The following FAM53B variants were observed in gnomAD, a reference collection of about 807,000 sequenced individuals.
FAM53B encodes the protein protein FAM53B.
A neutral mutation model predicts 32.7 loss-of-function variants in FAM53B; 12 were observed. The ratio of observed to expected loss-of-function variants is 0.37; its 90% confidence interval spans 0.24 to 0.59. The LOEUF is 0.59. Among genes scored for constraint, FAM53B ranks in the 20% least tolerant of loss-of-function variants. The pLI is 0.72. For missense variants in FAM53B, 477 were observed against 577.7 expected, an observed-to-expected ratio of 0.83 and a Z score of 1.79; for synonymous variants, 234 against 228.7, an observed-to-expected ratio of 1.02 and a Z score of -0.21.
At chr10:124,674,933 C>T (rs975389521) in intron 4 of FAM53B, among the ~76,000 whole-genome samples, 1 of 152,236 alleles carries the variant, frequency 6.6e-6, no homozygotes, top group Admixed American at 6.5e-5. Flanking sequence ...GAAAGGGCCC[C>T]TACTTCAGAG....
At position 124,661,272 on chromosome 10, in the gene FAM53B, A is replaced by G. The variant is rs575354211; in HGVS notation, c.906+20335T>C. On this transcript the variant is annotated intron_variant, in intron 4 of 4. Coordinates refer to ENST00000337318, the MANE Select transcript of FAM53B (RefSeq NM_014661.4). Reference sequence around the variant, plus strand: ...AGCATATTAAACGGAGGTGTGTCGCATCCCACACAGAACTCAACAGACACT... The same window carrying G: ...AGCATATTAAACGGAGGTGTGTCGCGTCCCACACAGAACTCAACAGACACT... Among the ~76,000 whole-genome samples the G allele has an allele frequency of 2.6e-5, 4 of 152,276 alleles. No individual in the cohort carries two copies. The South Asian group carries it at 6.2e-4, about 24-fold the overall frequency.
chr10:124,707,600 T>C (rs576549324), intron 1 of FAM53B, among the ~76,000 whole-genome samples: 48 of 152,250 alleles, frequency 3.2e-4, no homozygotes, highest in African/African-American at 1.2e-3. Context: ...TTAGCTGGGC[T>C]TGGTGGCGTG....
intron 4 of FAM53B, among the ~76,000 whole-genome samples, chr10:124,646,534 T>C (rs530367950): frequency 3.3e-5 from 5 of 152,210 alleles, no homozygotes; most frequent in African/African-American, 4.8e-5. Flanking sequence ...CCTGGTCTTT[T>C]TGCTCCCAGC....
intron 3 of FAM53B, among the ~76,000 whole-genome samples, chr10:124,692,986 C>G (rs1949844458): frequency 6.6e-6 from 1 of 152,128 alleles, no homozygotes; most frequent in Non-Finnish European, 1.5e-5. Context: ...CCAACTGTCC[C>G]CAGCTCTCAT....
chr10:124,626,391 C>G (rs1016681485), intron 4 of FAM53B, among the ~76,000 whole-genome samples: 3 of 117,240 alleles, frequency 2.6e-5, no homozygotes, highest in African/African-American at 5.7e-5. Flanking sequence ...AATTTGTGCC[C>G]CCCCCCCCCC....
intron 2 of FAM53B, among the ~76,000 whole-genome samples, chr10:124,702,896 T>A (rs1000696470): frequency 1.3e-5 from 2 of 152,116 alleles, no homozygotes; most frequent in African/African-American, 4.8e-5. Context: ...GCTCTTCTAG[T>A]TCATGTGAGG....
chr10:124,627,593 C>T (rs1949363529), intron 4 of FAM53B, among the ~76,000 whole-genome samples: 1 of 152,176 alleles, frequency 6.6e-6, no homozygotes, highest in South Asian at 2.1e-4. Flanking sequence ...TCAGTGGGAA[C>T]TGTCCCTATG....
intron 4 of FAM53B, among the ~76,000 whole-genome samples, chr10:124,626,248 G>A (rs751876941): frequency 2.6e-5 from 4 of 152,252 alleles, no homozygotes; most frequent in Non-Finnish European, 5.9e-5. Flanking sequence ...GCGCTTGTCT[G>A]TGCTCACCCT....
intron 1 of FAM53B, among the ~76,000 whole-genome samples, chr10:124,728,511 G>C (rs571865364): frequency 4.4e-4 from 67 of 152,322 alleles, no homozygotes; most frequent in African/African-American, 1.6e-3. Context: ...CCAGCAGATG[G>C]AAGAGACAAT....
chr10:124,724,879 G>A (rs1478988641), intron 1 of FAM53B, among the ~76,000 whole-genome samples: 2 of 152,140 alleles, frequency 1.3e-5, no homozygotes, highest in African/African-American at 4.8e-5. Context: ...CTGGGCACGC[G>A]CTTCCCACGT....
At chr10:124,627,032 A>G (rs1187472206) in intron 4 of FAM53B, among the ~76,000 whole-genome samples, 1 of 152,240 alleles carries the variant, frequency 6.6e-6, no homozygotes, top group African/African-American at 2.4e-5. Flanking sequence ...CTTCAAATAT[A>G]CCTGCTTCCT....
intron 4 of FAM53B, among the ~76,000 whole-genome samples, chr10:124,664,517 C>T (rs1395658457): frequency 6.6e-6 from 1 of 152,192 alleles, no homozygotes; most frequent in Non-Finnish European, 1.5e-5. Flanking sequence ...GGCTACAAGG[C>T]CCCCAAGTCT....
intron 4 of FAM53B, among the ~76,000 whole-genome samples, chr10:124,642,575 T>C (rs1949483995): frequency 6.6e-6 from 1 of 152,174 alleles, no homozygotes; most frequent in South Asian, 2.1e-4. Context: ...GCCAGAATGG[T>C]TGCCATCCTT....
intron 4 of FAM53B, among the ~76,000 whole-genome samples, chr10:124,641,447 G>C (rs1327066057): frequency 6.6e-6 from 1 of 152,178 alleles, no homozygotes; most frequent in Non-Finnish European, 1.5e-5. Flanking sequence ...ACTCTGTCCT[G>C]GCACCAACAT....
intron 3 of FAM53B, among the ~76,000 whole-genome samples, chr10:124,685,300 G>A (rs933101786): frequency 5.3e-5 from 8 of 152,084 alleles, no homozygotes; most frequent in African/African-American, 1.4e-4. Context: ...ATGTATTATC[G>A]AATATGTGGG....
intron 4 of FAM53B, among the ~76,000 whole-genome samples, chr10:124,669,519 G>A (rs535517181): frequency 6.7e-4 from 102 of 152,340 alleles, no homozygotes; most frequent in African/African-American, 2.4e-3. Flanking sequence ...GGGCCCGGAG[G>A]ATGTGGTAAG....
At chr10:124,703,892 G>A (rs948694847) in intron 2 of FAM53B, 1 of 152,500 alleles carries the variant, frequency 6.6e-6, no homozygotes, top group East Asian at 1.9e-4. Flanking sequence ...TTCCCTTTCT[G>A]AGATGAGTTT....
At chr10:124,710,365 TA>T (rs1949992756) in intron 1 of FAM53B, among the ~76,000 whole-genome samples, 1 of 152,180 alleles carries the variant, frequency 6.6e-6, no homozygotes. Flanking sequence ...AGAATCCAGC[TA>T]AATTACAGCA....
At chr10:124,706,292 AC>A (rs1949957507) in intron 2 of FAM53B, among the ~76,000 whole-genome samples, 1 of 152,022 alleles carries the variant, frequency 6.6e-6, no homozygotes, top group Non-Finnish European at 1.5e-5. Flanking sequence ...CAGGGCACCA[AC>A]CCCCTCTGGA....
Sources: gnomAD v4.1 joint callset for allele counts (sites outside exome capture counted in the v4.1 genomes callset) on GRCh38, gnomAD v4.1.1 for gene constraint, MANE v1.5 for transcripts, NCBI Gene and HGNC (gene_info 2026-07-23, HGNC 2026-07-21) for gene names.